TCP11: variants seen among roughly 807,000 people sequenced by gnomAD.
The protein encoded by TCP11 is T-complex protein 11 homolog.
In TCP11, 34 loss-of-function variants were observed where a neutral mutation model predicts 45.0. The ratio of observed to expected loss-of-function variants is 0.76; its 90% confidence interval spans 0.57 to 1.01. The LOEUF (loss-of-function observed/expected upper bound fraction) is 1.01, where lower values mean the gene tolerates loss of function less well. TCP11 is among the 50% of genes least tolerant of loss of function. The pLI, the probability that TCP11 is intolerant of heterozygous loss-of-function variation, is 0.00. For missense variants in TCP11, 523 were observed against 598.1 expected, an observed-to-expected ratio of 0.87 and a Z score of 1.31; for synonymous variants, 227 against 227.0, an observed-to-expected ratio of 1.00 and a Z score of 0.00.
chr6:35,118,264 C>T lies in TCP11; in HGVS notation c.*5G>A, dbSNP rs775267768. 21 of 1,613,150 alleles carry T rather than the reference C, an allele frequency of 1.3e-5. No homozygotes were observed. The highest frequency in any genetic ancestry group is 4.5e-5 in the East Asian group (2 of 44,898). ...CCAAGGTACCAGGGCTCTGAGCCGA[C>T]GCTATCAAACAGACTCCACTTTTGT... is the stretch of plus-strand genomic sequence containing the variant. On this transcript the variant is annotated 3_prime_UTR_variant, in exon 10 of 10. Coordinates refer to ENST00000311875, the MANE Select transcript of TCP11 (RefSeq NM_001370687.1).
At chr6:35,125,092 G>C (rs1338961449) in intron 4 of TCP11, among the ~76,000 whole-genome samples, 1 of 150,990 alleles carries the variant, frequency 6.6e-6, no homozygotes, top group African/African-American at 2.4e-5. Flanking sequence ...GGCTGAGGTG[G>C]GAGAATAGCT....
At chr6:35,129,434 A>T (rs564804311) in intron 3 of TCP11, among the ~76,000 whole-genome samples, 1 of 152,358 alleles carries the variant, frequency 6.6e-6, no homozygotes, top group East Asian at 1.9e-4. Context: ...CAGTAGAAAG[A>T]ACCCTGAATG....
intron 4 of TCP11, among the ~76,000 whole-genome samples, chr6:35,123,778 C>T (rs1386668859): frequency 1.3e-5 from 2 of 150,726 alleles, no homozygotes; most frequent in African/African-American, 4.9e-5. Context: ...TAAGCCACTA[C>T]ACCTGGTCCT....
intron 4 of TCP11, among the ~76,000 whole-genome samples, chr6:35,125,110 G>C (rs1779675075): frequency 6.6e-6 from 1 of 150,498 alleles, no homozygotes; most frequent in African/African-American, 2.4e-5. Context: ...GCTTGAACCA[G>C]GGAGGCAGAG....
chr6:35,120,895 C>T lies in TCP11; in HGVS notation c.715+14G>A, dbSNP rs754157892. On this transcript the variant is annotated intron_variant, in intron 6 of 9. Transcript: ENST00000311875. The surrounding 1 kb of genome is among the most constrained non-coding windows in gnomAD (Gnocchi z 4.9). ...AATACCTTTCCCACTCCTGCCCTCA[C>T]ATTATATACATACTAGGCTGCTTAT... 6.2e-7 allele frequency: 1 copy of T among 1,610,052 alleles called. No individual in the cohort carries two copies. The highest frequency in any genetic ancestry group is 1.7e-5 in the Admixed American group (1 of 59,344).
At chr6:35,140,067 C>T in intron 2 of TCP11, 1 of 1,614,008 alleles carries the variant, frequency 6.2e-7, no homozygotes, top group Non-Finnish European at 8.5e-7. Flanking sequence ...CTTTTGGTGC[C>T]ATTCAGTTAA....
chr6:35,129,871 C>T (rs987581750), intron 3 of TCP11, among the ~76,000 whole-genome samples: 6 of 152,338 alleles, frequency 3.9e-5, no homozygotes, highest in East Asian at 1.9e-4. Context: ...ACCTCCCACG[C>T]GCAAGCAAAT....
Position 35,120,380 on chromosome 6 carries a change from G to A in TCP11, c.934-40C>T, listed in dbSNP as rs776131483. The A allele has an allele frequency of 6.3e-5, 100 of 1,598,446 alleles. No individual in the cohort carries two copies. In the East Asian group the frequency reaches 1.7e-3, roughly 26 times the overall value. On this transcript the variant is annotated intron_variant, in intron 7 of 9. Coordinates refer to ENST00000311875, the MANE Select transcript of TCP11 (RefSeq NM_001370687.1). This position sits in a 1 kb window ranked among gnomAD's most constrained non-coding sequence, Gnocchi z 4.9. ...AGAACAGGCTGTCAGGGGAAGTCCC[G>A]ATGGAAGCCCTGAACACAAAACAAG... is the stretch of plus-strand genomic sequence containing the variant.
chr6:35,121,911 C>G (rs992576506), intron 5 of TCP11, among the ~76,000 whole-genome samples: 1 of 151,956 alleles, frequency 6.6e-6, no homozygotes, highest in African/African-American at 2.4e-5. Flanking sequence ...GAGGGGGGGC[C>G]CAATCAAGCT....
At position 35,118,185 on chromosome 6, in the gene TCP11, T is replaced by C; in HGVS notation, c.*84A>G. 8.5e-7 allele frequency: 1 copy of C among 1,173,088 alleles called. No homozygotes were observed. The highest frequency in any genetic ancestry group is 1.3e-5 in the South Asian group (1 of 74,524). 72.7% of individuals were successfully genotyped at this position (1,173,088 alleles called of 1,614,324 possible). A position where few individuals can be genotyped will look rare whatever the true frequency, so the allele number is the denominator to read the frequency against. ...CAGGGCCTGGGATAGAAGCTCACTG[T>C]CTGCTGGTCACTGGTGATGTTACTC... is the stretch of plus-strand genomic sequence containing the variant. On this transcript the variant is annotated 3_prime_UTR_variant, in exon 10 of 10. Coordinates refer to ENST00000311875, the MANE Select transcript of TCP11 (RefSeq NM_001370687.1).
At position 35,119,278 on chromosome 6, in the gene TCP11, C is replaced by T; in HGVS notation, c.1229G>A (p.Gly410Glu). 1 of 1,614,200 alleles carries T rather than the reference C, an allele frequency of 6.2e-7. No homozygotes were observed. The highest frequency in any genetic ancestry group is 1.6e-4 in the Middle Eastern group (1 of 6,062). ...CTTCTTGGCAATGTTCTGGAGCTGT[C>T]CCATTAGAGATGCTGTATTATCACT... Reference protein sequence around the residue: ...LSSDNTASLMGQLQNIAKKEN... With the variant: ...LSSDNTASLMEQLQNIAKKEN... Residue 410 changes from glycine (G) to glutamate (E), a missense_variant, in exon 9 of 10, where the codon GGA becomes GAA. Physicochemically the swap from Gly to Glu is moderately conservative, Grantham distance 98. Coordinates refer to ENST00000311875, the MANE Select transcript of TCP11 (RefSeq NM_001370687.1).
chr6:35,127,348 T>G (rs960716797), intron 4 of TCP11, among the ~76,000 whole-genome samples: 46 of 152,240 alleles, frequency 3.0e-4, no homozygotes, highest in African/African-American at 1.0e-3. Context: ...AGCTCAATAT[T>G]AAAGGTTAAT....
intron 1 of TCP11, 75 bp downstream of exon 1, chr6:35,141,130 C>G: frequency 2.3e-6 from 3 of 1,314,904 alleles, no homozygotes; most frequent in Non-Finnish European, 2.9e-6. Context: ...GTGGGAAGGC[C>G]CCTTCCTTCG....
At chr6:35,134,273 C>CTTT (rs34368428) in intron 3 of TCP11, among the ~76,000 whole-genome samples, 1 of 105,102 alleles carries the variant, frequency 9.5e-6, no homozygotes, top group African/African-American at 3.8e-5. Flanking sequence ...CACCCATAAG[C>CTTT]TTTTTTTTTT....
chr6:35,131,021 A>T (rs1469977854), intron 3 of TCP11, among the ~76,000 whole-genome samples: 1 of 152,214 alleles, frequency 6.6e-6, no homozygotes, highest in Non-Finnish European at 1.5e-5. Context: ...CAATGATAAA[A>T]AAATGATTTG....
intron 2 of TCP11, 61 bp from the exon 3 acceptor site, chr6:35,136,279 C>T (rs1781092103): frequency 7.4e-7 from 1 of 1,343,450 alleles, no homozygotes; most frequent in Non-Finnish European, 1.0e-6. Context: ...CAGAGATTCA[C>T]TCAATCTAGT....
intron 3 of TCP11, 108 bp from the exon 4 acceptor site, chr6:35,129,290 A>G: frequency 3.7e-6 from 5 of 1,364,622 alleles, no homozygotes; most frequent in South Asian, 3.1e-5. Flanking sequence ...GGCCATTATA[A>G]TAACAGGGAA....
chr6:35,128,892 A>AT lies in TCP11; in HGVS notation c.357+169dup. 3 of 827,294 alleles carry AT rather than the reference A, an allele frequency of 3.6e-6. No individual in the cohort carries two copies. In the South Asian group the frequency reaches 6.2e-5, roughly 17 times the overall value. 51.2% of individuals were successfully genotyped at this position (827,294 alleles called of 1,614,324 possible). On this transcript the variant is annotated intron_variant, in intron 4 of 9. Transcript: ENST00000311875. ...CTCATTTCTCCTACTCTCTGTTATA[A>AT]TAATTTTTATATTAAACCCTCCCTG...
intron 2 of TCP11, 23 bp from the exon 3 acceptor site, chr6:35,136,241 C>A (rs12661389): frequency 0.45 from 700,630 of 1,572,102 alleles, 163,317 homozygotes; most frequent in Middle Eastern, 0.49. Context: ...AACAATGAGC[C>A]CATGCAAGTC....
Sources: gnomAD v4.1 joint callset for allele counts (sites outside exome capture counted in the v4.1 genomes callset) on GRCh38, gnomAD v4.1.1 for gene constraint, Gnocchi (gnomAD v3.1) non-coding constraint, MANE v1.5 for transcripts, NCBI Gene and HGNC (gene_info 2026-07-23, HGNC 2026-07-21) for gene names.